TMEM181: variants seen among roughly 807,000 people sequenced by gnomAD.
TMEM181 encodes the protein transmembrane protein 181.
A neutral mutation model predicts 71.9 loss-of-function variants in TMEM181; 39 were observed. The ratio of observed to expected loss-of-function variants is 0.54; its 90% CI spans 0.42 to 0.71. The LOEUF is 0.71. Among genes scored for constraint, TMEM181 ranks in the 30% least tolerant of loss-of-function variants. TMEM181 has a pLI of 0.00. For synonymous variants in TMEM181, 245 were observed against 228.8 expected, an observed-to-expected ratio of 1.07 and a Z score of -0.64; for missense variants, 595 against 583.0, an observed-to-expected ratio of 1.02 and a Z score of -0.21.
chr6:158,547,198 T>G (rs889725948), intron 1 of TMEM181, among the ~76,000 whole-genome samples: 9 of 152,156 alleles, frequency 5.9e-5, no homozygotes, highest in Non-Finnish European at 8.8e-5. Flanking sequence ...GGGAGGGTTA[T>G]CTGAGCCTGG....
chr6:158,600,699 G>A (rs1251574319), intron 6 of TMEM181, among the ~76,000 whole-genome samples: 1 of 152,066 alleles, frequency 6.6e-6, no homozygotes, highest in East Asian at 1.9e-4. Context: ...TCAAATTCCT[G>A]ACCTCAGGTG....
At chr6:158,617,754 G>A (rs1365405264) in intron 10 of TMEM181, among the ~76,000 whole-genome samples, 2 of 152,230 alleles carry the variant, frequency 1.3e-5, no homozygotes, top group Admixed American at 1.3e-4. Context: ...TCATTCAGGA[G>A]CAGGTTGTTC....
At position 158,620,760 on chromosome 6, in the gene TMEM181, G is replaced by A. The variant is rs369806273; in HGVS notation, c.897-2790G>A. ...AGGAGTTAACTCAGGACAAGCTGCC[G>A]CTGCCCACTGCTTCCTGGGTTGCAA... On this transcript the variant is annotated intron_variant, in intron 10 of 16. Transcript: ENST00000684151. The surrounding 1 kb of genome is among the most constrained non-coding windows in gnomAD (Gnocchi z 4.5). Among the ~76,000 whole-genome samples, 11 of 152,194 alleles carry A rather than the reference G, an allele frequency of 7.2e-5. No homozygotes were observed. Among genetic ancestry groups the A allele is most frequent in the African/African-American group, 2.7e-4 (11 of 41,446 alleles).
chr6:158,587,098 C>T (rs754044990), intron 5 of TMEM181, among the ~76,000 whole-genome samples: 2 of 152,194 alleles, frequency 1.3e-5, no homozygotes, highest in Non-Finnish European at 2.9e-5. Flanking sequence ...TCAGGGGTTG[C>T]TTATTTGGAG....
intron 2 of TMEM181, among the ~76,000 whole-genome samples, chr6:158,575,723 G>T (rs1783117506): frequency 6.6e-6 from 1 of 152,110 alleles, no homozygotes; most frequent in Non-Finnish European, 1.5e-5. Flanking sequence ...GTTTAAAAGG[G>T]ACCTCATTGT....
At chr6:158,616,657 C>T (rs988668114) in intron 10 of TMEM181, among the ~76,000 whole-genome samples, 1 of 152,106 alleles carries the variant, frequency 6.6e-6, no homozygotes, top group Non-Finnish European at 1.5e-5. Flanking sequence ...GAGATACGTC[C>T]CATCAACACC....
At chr6:158,563,538 A>G (rs1002527594) in intron 1 of TMEM181, among the ~76,000 whole-genome samples, 3 of 152,200 alleles carry the variant, frequency 2.0e-5, no homozygotes, top group Admixed American at 6.5e-5. Flanking sequence ...GTTCCTAACC[A>G]CCAGGCTGCA....
Position 158,596,267 on chromosome 6 carries a change from C to T in TMEM181, c.492+6485C>T, listed in dbSNP as rs141049172. The stretch of plus-strand genomic sequence containing the variant: ...CACGTTACCTTCAGTAGGAACTTAA[C>T]GGTATACAGTGCGCCTGATAAATTG... On this transcript the variant is annotated intron_variant, in intron 6 of 16. Coordinates refer to ENST00000684151, the MANE Select transcript of TMEM181 (RefSeq NM_001376852.1). Among the ~76,000 whole-genome samples, 428 of 152,270 alleles carry T rather than the reference C, an allele frequency of 2.8e-3. 3 individuals are homozygous for T. The highest frequency in any genetic ancestry group is 0.017 in the South Asian group (82 of 4,818).
chr6:158,603,309 G>A (rs1207648578), intron 6 of TMEM181, among the ~76,000 whole-genome samples: 1 of 151,878 alleles, frequency 6.6e-6, no homozygotes, highest in Non-Finnish European at 1.5e-5. Flanking sequence ...GACGACTCAA[G>A]GGCATTTCAT....
At chr6:158,568,274 C>T (rs1215465335) in intron 1 of TMEM181, among the ~76,000 whole-genome samples, 2 of 151,194 alleles carry the variant, frequency 1.3e-5, no homozygotes, top group African/African-American at 2.4e-5. Flanking sequence ...AGTTTGAAAC[C>T]TTTTGACCTT....
intron 1 of TMEM181, among the ~76,000 whole-genome samples, chr6:158,561,825 G>A (rs1379773089): frequency 6.6e-6 from 1 of 152,118 alleles, no homozygotes; most frequent in Non-Finnish European, 1.5e-5. Context: ...GGGGGATGAG[G>A]GTATCTGGAA....
chr6:158,596,185 C>T (rs768369238), intron 6 of TMEM181, among the ~76,000 whole-genome samples: 2 of 152,192 alleles, frequency 1.3e-5, no homozygotes, highest in African/African-American at 4.8e-5. Flanking sequence ...TCCCAAAGTG[C>T]TGGGATTACC....
chr6:158,614,374 A>G (rs1300703366), intron 10 of TMEM181, among the ~76,000 whole-genome samples: 2 of 152,228 alleles, frequency 1.3e-5, no homozygotes, highest in African/African-American at 2.4e-5. Flanking sequence ...CATCCTTTTT[A>G]TTACATAAAA....
chr6:158,583,115 C>G (rs1562634791), intron 3 of TMEM181, among the ~76,000 whole-genome samples: 4 of 152,072 alleles, frequency 2.6e-5, no homozygotes, highest in African/African-American at 7.2e-5. Context: ...TGCCTGTAAT[C>G]CCAGCTATTT....
chr6:158,549,427 A>G (rs868754934), intron 1 of TMEM181, among the ~76,000 whole-genome samples: 11 of 152,214 alleles, frequency 7.2e-5, no homozygotes, highest in African/African-American at 1.7e-4. Flanking sequence ...ACTTCTTAAC[A>G]TATAGTAGTA....
chr6:158,575,165 C>G (rs148618405), intron 2 of TMEM181, among the ~76,000 whole-genome samples: 41 of 152,310 alleles, frequency 2.7e-4, no homozygotes, highest in African/African-American at 9.4e-4. Flanking sequence ...GTCTCAGCAC[C>G]CTGTGGCCCA....
chr6:158,551,902 T>A (rs566650574), intron 1 of TMEM181, among the ~76,000 whole-genome samples: 4 of 152,300 alleles, frequency 2.6e-5, no homozygotes, highest in Non-Finnish European at 5.9e-5. Flanking sequence ...GATACAGTTT[T>A]TATGCTCTCC....
At chr6:158,589,651 A>G (rs778291505) in intron 5 of TMEM181, 21 bp from the exon 6 acceptor site, 1 of 1,598,020 alleles carries the variant, frequency 6.3e-7, no homozygotes, top group Non-Finnish European at 8.6e-7. Context: ...TTTAAAGGCA[A>G]ATCTTTCTGT....
chr6:158,589,676 G>T lies in TMEM181; in HGVS notation c.386G>T (p.Cys129Phe), dbSNP rs2128305110. Reference sequence around the variant, plus strand: ...AATCTTTCTGTGTATTTGCAGAAATGTGCGGAGATTATTGTGGCTCACCTT... The same window carrying T: ...AATCTTTCTGTGTATTTGCAGAAATTTGCGGAGATTATTGTGGCTCACCTT... Reference protein sequence around the residue: ...RTRTLTCAGKCAEIIVAHLGY... With the variant: ...RTRTLTCAGKFAEIIVAHLGY... The change falls in exon 6 of 17, where the codon TGT becomes TTT. Residue 129 changes from cysteine (C) to phenylalanine (F), a missense_variant. Transcript: ENST00000684151. 6.2e-7 allele frequency: 1 copy of T among 1,613,620 alleles called. No homozygotes were observed. Among genetic ancestry groups the T allele is most frequent in the Admixed American group, 1.7e-5 (1 of 60,024 alleles).
Sources: gnomAD v4.1 joint callset for allele counts (sites outside exome capture counted in the v4.1 genomes callset) on GRCh38, gnomAD v4.1.1 for gene constraint, Gnocchi (gnomAD v3.1) non-coding constraint, MANE v1.5 for transcripts, NCBI Gene and HGNC (gene_info 2026-07-23, HGNC 2026-07-21) for gene names.